The following SOX6 variants were observed in gnomAD, a reference collection of about 807,000 sequenced individuals.
The protein encoded by SOX6 is SRY-box transcription factor 6, also known as transcription factor SOX-6.
A neutral mutation model predicts 97.8 loss-of-function variants in SOX6; 11 were observed. That is an observed-to-expected ratio of 0.11 (90% CI 0.07 to 0.19). The LOEUF (loss-of-function observed/expected upper bound fraction) is 0.19, where lower values mean the gene tolerates loss of function less well. SOX6 is among the 10% of genes least tolerant of loss of function. The pLI is 1.00. For missense variants in SOX6, 810 were observed against 1,039.5 expected (o/e 0.78, Z 3.04); for synonymous variants, 360 against 371.4 (o/e 0.97, Z 0.35).
intron 11 of SOX6, among the ~76,000 whole-genome samples, chr11:16,048,705 G>GAAAT (rs1847607178): frequency 6.6e-6 from 1 of 152,060 alleles, no homozygotes; most frequent in Non-Finnish European, 1.5e-5. Context: ...TTTATCTATT[G>GAAAT]AAATAAGCAT....
intron 4 of SOX6, among the ~76,000 whole-genome samples, chr11:16,497,463 C>A (rs1479704413): frequency 3.3e-5 from 5 of 152,032 alleles, no homozygotes; most frequent in African/African-American, 1.2e-4. Flanking sequence ...CAAAGCTGGA[C>A]AGAGAATGAC....
intron 12 of SOX6, among the ~76,000 whole-genome samples, chr11:16,026,667 C>T (rs934205661): frequency 2.6e-5 from 4 of 152,040 alleles, no homozygotes; most frequent in Admixed American, 2.6e-4. Flanking sequence ...CTACTGTTAT[C>T]CTCCTTCTAG....
intron 1 of SOX6, among the ~76,000 whole-genome samples, chr11:16,365,333 G>A (rs1857329382): frequency 7.4e-6 from 1 of 135,332 alleles, no homozygotes; most frequent in African/African-American, 2.7e-5. Flanking sequence ...ACGTGTGTGT[G>A]TATGTATCTT....
At chr11:16,392,123 C>CT (rs1858203509) in intron 1 of SOX6, among the ~76,000 whole-genome samples, 1 of 152,030 alleles carries the variant, frequency 6.6e-6, no homozygotes, top group Non-Finnish European at 1.5e-5. Context: ...AAAGGGGACA[C>CT]TGTTACCCTG....
intron 1 of SOX6, chr11:16,402,741 G>A: frequency 6.2e-7 from 1 of 1,609,638 alleles, no homozygotes; most frequent in Non-Finnish European, 8.5e-7. Flanking sequence ...CCTGACTTAG[G>A]GGCTGGCTAG....
At chr11:16,093,262 A>G (rs1026677783) in intron 9 of SOX6, among the ~76,000 whole-genome samples, 2 of 151,912 alleles carry the variant, frequency 1.3e-5, no homozygotes, top group Non-Finnish European at 1.5e-5. Context: ...GAACTGTTCA[A>G]CTAAAAATAG....
At chr11:16,672,013 A>C (rs1275252321) in intron 3 of SOX6, among the ~76,000 whole-genome samples, 1 of 152,200 alleles carries the variant, frequency 6.6e-6, no homozygotes, top group Non-Finnish European at 1.5e-5. Flanking sequence ...TTAAAGAAAA[A>C]ATCTTCGACC....
At chr11:16,134,293 T>G (rs1314954268) in intron 6 of SOX6, among the ~76,000 whole-genome samples, 1 of 152,208 alleles carries the variant, frequency 6.6e-6, no homozygotes, top group Non-Finnish European at 1.5e-5. Flanking sequence ...TGTTCCATAT[T>G]GCCTAATGAT....
chr11:16,495,985 G>T (rs1212528885), intron 4 of SOX6, among the ~76,000 whole-genome samples: 1 of 152,126 alleles, frequency 6.6e-6, no homozygotes, highest in African/African-American at 2.4e-5. Context: ...ACTGTTTACA[G>T]CCAAAGAAAT....
At chr11:16,442,920 CAT>C (rs1182798967) in intron 1 of SOX6, among the ~76,000 whole-genome samples, 1 of 152,112 alleles carries the variant, frequency 6.6e-6, no homozygotes, top group Non-Finnish European at 1.5e-5. Context: ...TTTCCAGGTT[CAT>C]ATCAGGAAAT....
intron 15 of SOX6, among the ~76,000 whole-genome samples, chr11:15,981,818 CAG>C (rs1379489238): frequency 6.6e-6 from 1 of 151,972 alleles, no homozygotes; most frequent in Non-Finnish European, 1.5e-5. Context: ...ACTTGGCACA[CAG>C]TATTATTTTT....
chr11:16,155,550 T>C (rs1304948059), intron 6 of SOX6, among the ~76,000 whole-genome samples: 5 of 152,146 alleles, frequency 3.3e-5, no homozygotes, highest in Non-Finnish European at 1.5e-5. Flanking sequence ...CTGTTAAGCC[T>C]CCATTTTCTC....
At chr11:16,333,107 T>G (rs297343) in intron 2 of SOX6, among the ~76,000 whole-genome samples, 93,410 of 151,904 alleles carry the variant, frequency 0.61, 29,222 homozygotes, top group East Asian at 0.72. Flanking sequence ...ATTCATTATA[T>G]TAAAGTTGGC....
chr11:16,681,281 A>C (rs185610859), intron 3 of SOX6, among the ~76,000 whole-genome samples: 1 of 152,330 alleles, frequency 6.6e-6, no homozygotes, highest in Admixed American at 6.5e-5. Flanking sequence ...AGTGCAATCA[A>C]ATGAGAACTC....
intron 3 of SOX6, among the ~76,000 whole-genome samples, chr11:16,697,494 C>T (rs1437535991): frequency 6.6e-6 from 1 of 152,080 alleles, no homozygotes; most frequent in Non-Finnish European, 1.5e-5. Flanking sequence ...ATTAGTTAGG[C>T]ATAGTGGCAC....
At chr11:16,030,738 G>GAA (rs1455777345) in intron 12 of SOX6, among the ~76,000 whole-genome samples, 2 of 152,062 alleles carry the variant, frequency 1.3e-5, no homozygotes, top group African/African-American at 4.8e-5. Flanking sequence ...CAACCGACCT[G>GAA]ATTTGCTTGA....
intron 9 of SOX6, among the ~76,000 whole-genome samples, chr11:16,057,983 A>T (rs546623688): frequency 2.0e-5 from 3 of 152,040 alleles, no homozygotes; most frequent in South Asian, 2.1e-4. Flanking sequence ...TGACTTTTAC[A>T]TTCATTGTTC....
chr11:16,181,262 C>A (rs984959397), intron 6 of SOX6, among the ~76,000 whole-genome samples: 3 of 151,614 alleles, frequency 2.0e-5, no homozygotes, highest in African/African-American at 7.3e-5. Context: ...AAGTGTCAAA[C>A]TTGCTCAAAT....
At chr11:16,544,065 A>T (rs1010429347) in intron 4 of SOX6, among the ~76,000 whole-genome samples, 2 of 152,094 alleles carry the variant, frequency 1.3e-5, no homozygotes, top group African/African-American at 4.8e-5. Context: ...AAAACATGCT[A>T]AAAAAATGGA....
Sources: gnomAD v4.1 joint callset for allele counts (sites outside exome capture counted in the v4.1 genomes callset) on GRCh38, gnomAD v4.1.1 for gene constraint, MANE v1.5 for transcripts, NCBI Gene and HGNC (gene_info 2026-07-23, HGNC 2026-07-21) for gene names.